The following ENPP2 variants were observed in gnomAD, a reference collection of about 807,000 sequenced individuals.
ENPP2 encodes the protein autotaxin.
In ENPP2, 51 loss-of-function variants were observed where a neutral mutation model predicts 120.2. That is an observed-to-expected ratio of 0.42 (90% CI 0.34 to 0.54). The LOEUF is 0.54. Ranked by LOEUF, ENPP2 falls within the 20% of genes least tolerant of loss-of-function variation. The pLI is 0.04. For missense variants in ENPP2, 920 were observed against 1,066.5 expected (o/e 0.86, Z 1.91); for synonymous variants, 365 against 366.4 (o/e 1.00, Z 0.04).
intron 24 of ENPP2, among the ~76,000 whole-genome samples, chr8:119,560,032 A>G (rs1320384336): frequency 6.6e-6 from 1 of 152,138 alleles, no homozygotes; most frequent in Non-Finnish European, 1.5e-5. Context: ...TCAGATATAA[A>G]ATTTAGATCG....
chr8:119,662,233 T>C (rs928494930), intron 1 of ENPP2, among the ~76,000 whole-genome samples: 2 of 152,230 alleles, frequency 1.3e-5, no homozygotes, highest in African/African-American at 2.4e-5. Context: ...AATGTTAGTT[T>C]GTTTTATATG....
intron 5 of ENPP2, chr8:119,618,461 TCAA>T (rs1815633302): frequency 2.4e-6 from 1 of 410,112 alleles, no homozygotes; most frequent in South Asian, 1.8e-5. Context: ...CTTGCCTTTT[TCAA>T]CATCACCCAT....
intron 13 of ENPP2, among the ~76,000 whole-genome samples, chr8:119,589,563 C>A (rs779243237): frequency 2.6e-5 from 4 of 152,004 alleles, no homozygotes; most frequent in Middle Eastern, 6.8e-3. Flanking sequence ...CCAGTCTATG[C>A]GAGGGCAGAA....
intron 19 of ENPP2, among the ~76,000 whole-genome samples, chr8:119,578,750 C>T (rs767934174): frequency 3.9e-5 from 6 of 152,158 alleles, no homozygotes; most frequent in Non-Finnish European, 7.3e-5. Flanking sequence ...CCAACAATGG[C>T]CTATCTTCAA....
chr8:119,599,984 G>C (rs960289647), intron 11 of ENPP2, among the ~76,000 whole-genome samples: 1 of 148,458 alleles, frequency 6.7e-6, no homozygotes, highest in Admixed American at 6.7e-5. Flanking sequence ...TCCAGCCTAG[G>C]TGACGGAGCA....
At chr8:119,610,887 A>T (rs1316815514) in intron 8 of ENPP2, among the ~76,000 whole-genome samples, 1 of 148,350 alleles carries the variant, frequency 6.7e-6, no homozygotes, top group Non-Finnish European at 1.5e-5. Context: ...TGGATGACAG[A>T]GTGAGATTCT....
At chr8:119,596,097 T>C in intron 11 of ENPP2, 1 of 1,195,832 alleles carries the variant, frequency 8.4e-7, no homozygotes, top group Non-Finnish European at 1.2e-6. Context: ...ATCAGCAGAG[T>C]CTCAGAATAA....
chr8:119,619,576 T>C (rs1313838080), intron 4 of ENPP2, among the ~76,000 whole-genome samples: 3 of 152,066 alleles, frequency 2.0e-5, no homozygotes, highest in Non-Finnish European at 4.4e-5. Context: ...AAAAAACCAG[T>C]GGCGTCAGTG....
intron 8 of ENPP2, among the ~76,000 whole-genome samples, chr8:119,613,378 C>G (rs762293084): frequency 6.6e-6 from 1 of 152,138 alleles, no homozygotes; most frequent in Non-Finnish European, 1.5e-5. Context: ...TTTCAAATGG[C>G]CATTGTACAA....
At chr8:119,570,188 G>A (rs1331255748) in intron 20 of ENPP2, among the ~76,000 whole-genome samples, 1 of 150,838 alleles carries the variant, frequency 6.6e-6, no homozygotes, top group South Asian at 2.1e-4. Context: ...AGAATCACTT[G>A]AACCCAGGAG....
chr8:119,616,236 CAT>C (rs752763485), intron 8 of ENPP2, 27 bp downstream of exon 8: 24 of 1,594,114 alleles, frequency 1.5e-5, no homozygotes, highest in Non-Finnish European at 2.1e-5. Context: ...CACACAAACA[CAT>C]AGACACACAA....
At chr8:119,654,256 CTATAT>C (rs200960142) in intron 1 of ENPP2, among the ~76,000 whole-genome samples, 20,185 of 137,596 alleles carry the variant, frequency 0.15, 1,811 homozygotes, top group African/African-American at 0.26. Context: ...ATATCTATAT[CTATAT>C]TATATTATAA....
chr8:119,577,537 C>T (rs917378988), intron 19 of ENPP2, among the ~76,000 whole-genome samples: 1 of 152,190 alleles, frequency 6.6e-6, no homozygotes, highest in Non-Finnish European at 1.5e-5. Flanking sequence ...GAGAGAGCAA[C>T]AGGAGAAAGA....
chr8:119,593,392 G>T lies in ENPP2; in HGVS notation c.1081+360C>A, dbSNP rs536423983. 9.2e-5 allele frequency among the ~76,000 whole-genome samples: 14 copies of T among 152,254 alleles called. No individual in the cohort carries two copies. In the South Asian group the frequency reaches 2.9e-3, roughly 32 times the overall value. On this transcript the variant is annotated intron_variant, in intron 12 of 24. Coordinates refer to ENST00000075322, the MANE Select transcript of ENPP2 (RefSeq NM_001040092.3). ...ATAAACTCCATGGGCTCGTTTTGGG[G>T]ATGTGGCTGGCAGGGATAGGAGATT...
intron 1 of ENPP2, among the ~76,000 whole-genome samples, chr8:119,670,527 T>A (rs1818210060): frequency 6.6e-6 from 1 of 152,156 alleles, no homozygotes; most frequent in African/African-American, 2.4e-5. Flanking sequence ...CCCTAAGGAC[T>A]GGTGTGGGAT....
chr8:119,613,286 C>T (rs970750885), intron 8 of ENPP2, among the ~76,000 whole-genome samples: 1 of 152,168 alleles, frequency 6.6e-6, no homozygotes, highest in Non-Finnish European at 1.5e-5. Flanking sequence ...TTGACTATAT[C>T]AAGGCTAAAA....
chr8:119,620,570 A>G (rs1163319785), intron 4 of ENPP2, among the ~76,000 whole-genome samples: 3 of 152,220 alleles, frequency 2.0e-5, no homozygotes, highest in African/African-American at 7.2e-5. Flanking sequence ...AAAGGACTTG[A>G]TTTTGAAATT....
intron 1 of ENPP2, among the ~76,000 whole-genome samples, chr8:119,658,944 C>G: frequency 6.6e-6 from 1 of 152,178 alleles, no homozygotes; most frequent in Non-Finnish European, 1.5e-5. Flanking sequence ...CAACTGCCTG[C>G]AGCTTTATTC....
At chr8:119,606,515 T>C (rs566139308) in intron 9 of ENPP2, among the ~76,000 whole-genome samples, 1 of 151,930 alleles carries the variant, frequency 6.6e-6, no homozygotes, top group Admixed American at 6.6e-5. Context: ...ATGTCACACA[T>C]AGGATAACAC....
Sources: allele counts gnomAD v4.1 joint callset (sites outside exome capture counted in the v4.1 genomes callset), GRCh38; gene constraint gnomAD v4.1.1; transcripts MANE v1.5; gene names NCBI Gene and HGNC (gene_info 2026-07-23, HGNC 2026-07-21).